The following STX17 variants were observed in gnomAD, a reference collection of about 807,000 sequenced individuals.
STX17 encodes the protein syntaxin 17, also known as syntaxin-17.
STX17 carries 29 observed loss-of-function variants against 35.9 expected under a neutral mutation model. The observed-to-expected ratio is 0.81, with a 90% CI of 0.60 to 1.10. The LOEUF is 1.10. STX17 is among the 50% of genes least tolerant of loss of function. The pLI, the probability that STX17 is intolerant of heterozygous loss-of-function variation, is 0.00. For synonymous variants in STX17, 92 were observed against 118.3 expected (o/e 0.78, Z 1.44); for missense variants, 312 against 352.3 (o/e 0.89, Z 0.92).
At chr9:99,950,700 A>G (rs1829574258) in intron 3 of STX17, among the ~76,000 whole-genome samples, 1 of 151,978 alleles carries the variant, frequency 6.6e-6, no homozygotes, top group Non-Finnish European at 1.5e-5. Context: ...TGTGTGCATG[A>G]GCCGTGAGAA....
chr9:99,973,939 G>T lies in STX17; in HGVS notation c.*5266G>T, dbSNP rs1247024398. On this transcript the variant is annotated 3_prime_UTR_variant, in exon 8 of 8. Transcript: ENST00000259400. ...AGAGTGATTTTAAGGTTTTTCTATG[G>T]TGAAGGTTCAAACTGGTAATAAACC... Among the ~76,000 whole-genome samples, 1 of 152,166 alleles carries T rather than the reference G, an allele frequency of 6.6e-6. No homozygotes were observed. Among genetic ancestry groups the T allele is most frequent in the Non-Finnish European group, 1.5e-5 (1 of 68,030 alleles).
At chr9:99,945,764 G>T in intron 3 of STX17, 1 of 395,740 alleles carries the variant, frequency 2.5e-6, no homozygotes, top group African/African-American at 2.1e-5. Context: ...CATCAACTGT[G>T]GAACAAAAAT....
At chr9:99,928,212 T>G (rs1829029894) in intron 2 of STX17, among the ~76,000 whole-genome samples, 1 of 152,144 alleles carries the variant, frequency 6.6e-6, no homozygotes, top group Non-Finnish European at 1.5e-5. Flanking sequence ...AAAATTCCCA[T>G]GATTCTGTTC....
At chr9:99,947,945 A>T (rs1452213013) in intron 3 of STX17, among the ~76,000 whole-genome samples, 1 of 149,942 alleles carries the variant, frequency 6.7e-6, no homozygotes, top group Non-Finnish European at 1.5e-5. Context: ...GTACTTTTCA[A>T]GTTTTTTTTT....
chr9:99,915,406 T>C, intron 2 of STX17, 44 bp downstream of exon 2: 9 of 1,557,670 alleles, frequency 5.8e-6, no homozygotes, highest in Non-Finnish European at 7.8e-6. Context: ...TTACATAGTT[T>C]GATTTATATT....
chr9:99,938,098 C>A (rs1423832208), intron 3 of STX17: 1 of 152,248 alleles, frequency 6.6e-6, no homozygotes. Context: ...GTACTGTTCT[C>A]TCTAACTTTT....
Position 99,928,933 on chromosome 9 carries a change from C to T in STX17, c.189+90C>T. 4 of 1,073,390 alleles carry T rather than the reference C, an allele frequency of 3.7e-6. No individual in the cohort carries two copies. In the South Asian group the frequency reaches 5.8e-5, roughly 16 times the overall value. The allele number at this position is 1,073,390 out of a possible 1,614,324, so 66.5% of individuals were successfully genotyped here. Reference sequence around the variant, plus strand: ...AAAATATTACCTTTGCAGCTGAACCCTTTTATACACATTTGTTACTATTTA... The same window carrying T: ...AAAATATTACCTTTGCAGCTGAACCTTTTTATACACATTTGTTACTATTTA... On this transcript the variant is annotated intron_variant, in intron 3 of 7. Transcript: ENST00000259400.
intron 3 of STX17, among the ~76,000 whole-genome samples, chr9:99,933,474 A>G (rs1363688001): frequency 7.9e-5 from 12 of 152,156 alleles, no homozygotes; most frequent in Non-Finnish European, 1.8e-4. Context: ...CTTGTTGGGA[A>G]GTTGGGAGTT....
intron 3 of STX17, among the ~76,000 whole-genome samples, chr9:99,944,562 TG>T (rs1311187962): frequency 6.6e-6 from 1 of 151,858 alleles, no homozygotes. Context: ...TTGCCCAGGC[TG>T]GAGTGCAATG....
chr9:99,931,942 G>A (rs1829133779), intron 3 of STX17, among the ~76,000 whole-genome samples: 1 of 152,088 alleles, frequency 6.6e-6, no homozygotes, highest in African/African-American at 2.4e-5. Context: ...CTTGTCTTCT[G>A]GTGGACTTCA....
rs764201398 is a variant in STX17 at position 99,967,719 on chromosome 9, G to C, written c.649G>C (p.Gly217Arg). 6.2e-7 allele frequency: 1 copy of C among 1,613,802 alleles called. No individual in the cohort carries two copies. The highest frequency in any genetic ancestry group is 8.5e-7 in the Non-Finnish European group (1 of 1,179,868). ...VNSAAVNVEE[G>R]TKNLGKAAKY... ...CAGTGCTGCTGTGAATGTTGAAGAG[G>C]GAACCAAAAACTTAGGGAAGGTAAG... The change falls in exon 7 of 8, where the codon GGA (glycine) becomes CGA (arginine). Residue 217 changes from glycine to arginine, a missense_variant. Coordinates refer to ENST00000259400, the MANE Select transcript of STX17 (RefSeq NM_017919.3).
At chr9:99,968,324 G>T in intron 7 of STX17, 110 bp from the exon 8 acceptor site, 3 of 1,354,214 alleles carry the variant, frequency 2.2e-6, no homozygotes, top group Non-Finnish European at 3.0e-6. Context: ...GGTTAATTAT[G>T]TACCAAGAGT....
intron 2 of STX17, among the ~76,000 whole-genome samples, chr9:99,927,864 T>A (rs1002834781): frequency 5.9e-5 from 9 of 152,342 alleles, no homozygotes; most frequent in Admixed American, 5.9e-4. Context: ...TTTTGCTACA[T>A]CATTCTTTAC....
chr9:99,937,070 T>A (rs552494151), intron 3 of STX17, among the ~76,000 whole-genome samples: 1 of 152,324 alleles, frequency 6.6e-6, no homozygotes, highest in East Asian at 1.9e-4. Context: ...TTCAGTACTT[T>A]AAAGATGTTC....
intron 3 of STX17, among the ~76,000 whole-genome samples, chr9:99,946,909 CCTT>C (rs1587931454): frequency 6.6e-6 from 1 of 152,004 alleles, no homozygotes; most frequent in Non-Finnish European, 1.5e-5. Context: ...CATCTTTTCT[CCTT>C]CTTTTTCTCT....
At chr9:99,958,225 C>T (rs942644319) in intron 4 of STX17, among the ~76,000 whole-genome samples, 3 of 152,180 alleles carry the variant, frequency 2.0e-5, no homozygotes, top group Non-Finnish European at 4.4e-5. Flanking sequence ...TCCTTCCACC[C>T]CTGCACCAGT....
In STX17 at chr9:99,967,745, A is replaced by G; in HGVS notation, c.669+6A>G. 1.2e-6 allele frequency: 2 copies of G among 1,613,264 alleles called. No individual in the cohort carries two copies. The highest frequency in any genetic ancestry group is 1.7e-6 in the Non-Finnish European group (2 of 1,179,282). On this transcript the variant is annotated splice_donor_region_variant and intron_variant, in intron 7 of 7. Coordinates refer to ENST00000259400, the MANE Select transcript of STX17 (RefSeq NM_017919.3). ...GAACCAAAAACTTAGGGAAGGTAAG[A>G]TTCTGCTCCTGCTGACAAATCAATG...
In STX17 at chr9:99,922,883, AAGGTCTGGGC is replaced by A. The variant is rs1213670387; in HGVS notation, c.124-5892_124-5883del. Among the ~76,000 whole-genome samples the A allele has an allele frequency of 6.6e-5, 10 of 152,322 alleles. No individual in the cohort carries two copies. In the East Asian group the frequency reaches 1.9e-3, roughly 29 times the overall value. ...ACACAAGCCAAAAGTTGTTCTTCCC[AAGGTCTGGGC>A]AGTGGAAGCAGTATAAACACTGATG... On this transcript the variant is annotated intron_variant, in intron 2 of 7. Transcript: ENST00000259400.
chr9:99,908,221 A>G (rs969361227), intron 1 of STX17, among the ~76,000 whole-genome samples: 5 of 151,832 alleles, frequency 3.3e-5, no homozygotes, highest in Non-Finnish European at 1.5e-5. Flanking sequence ...CTCCAATGTA[A>G]AGGTCTTATT....
Sources: gnomAD v4.1 joint callset for allele counts (sites outside exome capture counted in the v4.1 genomes callset) on GRCh38, gnomAD v4.1.1 for gene constraint, MANE v1.5 for transcripts, NCBI Gene and HGNC (gene_info 2026-07-23, HGNC 2026-07-21) for gene names.